Variants in TMCC2 observed in about 807,000 individuals in gnomAD.
TMCC2 encodes the protein transmembrane and coiled-coil domain family 2, also known as transmembrane and coiled-coil domains protein 2.
A neutral mutation model predicts 49.4 loss-of-function variants in TMCC2; 16 were observed. That is an observed-to-expected ratio of 0.32 (90% CI 0.22 to 0.49). The LOEUF is 0.49. Ranked by LOEUF, TMCC2 falls within the 20% of genes least tolerant of loss-of-function variation. The pLI is 0.99. For missense variants in TMCC2, 762 were observed against 989.8 expected, an observed-to-expected ratio of 0.77 and a Z score of 3.09; for synonymous variants, 397 against 434.1, an observed-to-expected ratio of 0.91 and a Z score of 1.06.
rs779563036 is a variant in TMCC2, at chr1:205,271,270, A to G, written c.1818+15A>G. On this transcript the variant is annotated intron_variant, in intron 4 of 4. Coordinates refer to ENST00000358024, the MANE Select transcript of TMCC2 (RefSeq NM_014858.4). ...GGGACATCCAGGTATGGCCAGGGCA[A>G]CCTTGGGAGGCCCCAGATGTGCTGG... 1.9e-6 allele frequency: 3 copies of G among 1,614,016 alleles called. No homozygotes were observed. Among genetic ancestry groups the G allele is most frequent in the Non-Finnish European group, 2.5e-6 (3 of 1,180,030 alleles).
At position 205,271,821 on chromosome 1, in the gene TMCC2, G is replaced by A; in HGVS notation, c.1827G>A (p.Val609=). 1.1e-5 allele frequency: 17 copies of A among 1,610,690 alleles called. No individual in the cohort carries two copies. Among genetic ancestry groups the A allele is most frequent in the Non-Finnish European group, 1.4e-5 (17 of 1,179,696 alleles). The change falls in exon 5 of 5, where the codon GTG becomes GTA. Residue 609 remains valine, a synonymous_variant. Coordinates refer to ENST00000358024, the MANE Select transcript of TMCC2 (RefSeq NM_014858.4). ...YERARDIQEA[V]ESCLTRVTKL... is the part of the protein sequence containing the mutation. ...CCCCTCTGCCCCTGCAGGAGGCCGTGGAGTCCTGCCTGACCCGGGTCACCA... is the reference window on the plus strand; with the variant it reads ...CCCCTCTGCCCCTGCAGGAGGCCGTAGAGTCCTGCCTGACCCGGGTCACCA...
intron 1 of TMCC2, among the ~76,000 whole-genome samples, chr1:205,239,759 CAAATG>C (rs1484441453): frequency 6.6e-6 from 1 of 152,084 alleles, no homozygotes; most frequent in East Asian, 1.9e-4. Flanking sequence ...TGGGGATACT[CAAATG>C]AGGTGAAAAA....
At position 205,272,429 on chromosome 1, in the gene TMCC2, C is replaced by T. The variant is rs893652085; in HGVS notation, c.*305C>T. ...TTACACAAGGACTTCTCCCAGCTGA[C>T]CCTCAGGATGCCCCAAGTCAGGAAG... On this transcript the variant is annotated 3_prime_UTR_variant, in exon 5 of 5. Transcript: ENST00000358024. 2 of 402,938 alleles carry T rather than the reference C, an allele frequency of 5.0e-6. No individual in the cohort carries two copies. The highest frequency in any genetic ancestry group is 6.8e-4 in the Middle Eastern group (1 of 1,472). The allele number at this position is 402,938 out of a possible 1,614,324, so 25.0% of individuals were successfully genotyped here. A position where few individuals can be genotyped will look rare whatever the true frequency, so the allele number is the denominator to read the frequency against.
In TMCC2 at chr1:205,269,186, G is replaced by T. The variant is rs1322946460; in HGVS notation, c.984G>T (p.Gln328His). Residue 328 changes from glutamine to histidine, a missense_variant, in exon 3 of 5, where the codon CAG becomes CAT. This residue lies in a region of TMCC2 where 440 missense variants were observed against 636.7 expected (regional missense o/e 0.69). Transcript: ENST00000358024. Reference protein sequence around the residue: ...LKLANNADKQQVSRIKQVFEK... With the variant: ...LKLANNADKQHVSRIKQVFEK... ...TGGCCAACAACGCGGACAAGCAGCA[G>T]GTGTCACGCATCAAGCAAGTGTTCG... 1.2e-6 allele frequency: 2 copies of T among 1,614,050 alleles called. No individual in the cohort carries two copies. Among genetic ancestry groups the T allele is most frequent in the Non-Finnish European group, 1.7e-6 (2 of 1,180,050 alleles).
At chr1:205,233,402 C>T (rs907988342) in intron 1 of TMCC2, among the ~76,000 whole-genome samples, 1 of 152,202 alleles carries the variant, frequency 6.6e-6, no homozygotes, top group Non-Finnish European at 1.5e-5. Flanking sequence ...TCACACCATA[C>T]ACTGGTCTTC....
Position 205,246,640 on chromosome 1 carries a change from C to T in TMCC2, c.747+4596C>T, listed in dbSNP as rs200396009. 4.8e-4 allele frequency: 742 copies of T among 1,550,306 alleles called. 1 individual carries two copies. The highest frequency in any genetic ancestry group is 2.3e-3 in the Middle Eastern group (14 of 5,990). ...GCAGAATGAACCAGGTTGTTCAGCC[C>T]TTAATGAGCAGACACTCTGCATGTA... On this transcript the variant is annotated intron_variant, in intron 2 of 4. Coordinates refer to ENST00000358024, the MANE Select transcript of TMCC2 (RefSeq NM_014858.4).
chr1:205,243,679 G>A (rs1053873158), intron 2 of TMCC2, among the ~76,000 whole-genome samples: 5 of 152,214 alleles, frequency 3.3e-5, no homozygotes, highest in Admixed American at 3.3e-4. Flanking sequence ...GCATGTTTTG[G>A]GGGGAAGGTG....
intron 2 of TMCC2, chr1:205,246,714 A>C (rs780241249): frequency 5.2e-6 from 8 of 1,548,940 alleles, no homozygotes; most frequent in Non-Finnish European, 7.0e-6. Flanking sequence ...ATACATTTTA[A>C]AAATCAAATT....
chr1:205,250,806 A>G (rs1660637462), intron 2 of TMCC2, among the ~76,000 whole-genome samples: 2 of 152,066 alleles, frequency 1.3e-5, no homozygotes, highest in Non-Finnish European at 2.9e-5. Flanking sequence ...GGGAAGGTGC[A>G]CTCAGGTTTC....
intron 2 of TMCC2, among the ~76,000 whole-genome samples, chr1:205,254,168 C>A (rs556071993): frequency 4.6e-5 from 7 of 152,314 alleles, no homozygotes; most frequent in Admixed American, 2.6e-4. Flanking sequence ...GGATTTTAGA[C>A]CAGGTCTTCT....
intron 1 of TMCC2, among the ~76,000 whole-genome samples, chr1:205,231,595 C>G (rs1222898479): frequency 6.6e-6 from 1 of 152,198 alleles, no homozygotes; most frequent in African/African-American, 2.4e-5. Context: ...CCGTGCCCAG[C>G]CCCTCCAAAC....
rs1355907536 is a variant in TMCC2, at chr1:205,241,249, T to G, written c.208-256T>G. On this transcript the variant is annotated intron_variant, in intron 1 of 4. Coordinates refer to ENST00000358024, the MANE Select transcript of TMCC2 (RefSeq NM_014858.4). This position sits in a 1 kb window ranked among gnomAD's most constrained non-coding sequence, Gnocchi z 7.3. ...CATCATTCCTAGAAACTCTGAACCTTCATTTTGATTAGGAATGTCCCGTGG... is the reference window on the plus strand; with the variant it reads ...CATCATTCCTAGAAACTCTGAACCTGCATTTTGATTAGGAATGTCCCGTGG... 6.6e-6 allele frequency among the ~76,000 whole-genome samples: 1 copy of G among 152,110 alleles called. No individual in the cohort carries two copies. Among genetic ancestry groups the G allele is most frequent in the Non-Finnish European group, 1.5e-5 (1 of 68,008 alleles).
At chr1:205,271,010 A>G in intron 3 of TMCC2, 110 bp from the exon 4 acceptor site, 1 of 1,454,316 alleles carries the variant, frequency 6.9e-7, no homozygotes, top group African/African-American at 1.4e-5. Context: ...AGAGCTGGAC[A>G]CGGGGGATGG....
chr1:205,271,757 G>A, intron 4 of TMCC2, 56 bp from the exon 5 acceptor site: 2 of 1,569,274 alleles, frequency 1.3e-6, no homozygotes, highest in Non-Finnish European at 8.6e-7. Context: ...TAGGTTTTCA[G>A]CCTAGGGGTC....
intron 1 of TMCC2, among the ~76,000 whole-genome samples, chr1:205,238,299 A>G (rs1046428560): frequency 6.6e-6 from 1 of 151,718 alleles, no homozygotes; most frequent in South Asian, 2.1e-4. Flanking sequence ...CTCCTCCCTG[A>G]CACCCACATG....
intron 4 of TMCC2, 134 bp downstream of exon 4, chr1:205,271,389 A>G (rs1299378095): frequency 7.0e-7 from 1 of 1,435,740 alleles, no homozygotes; most frequent in Admixed American, 1.8e-5. Flanking sequence ...AGGCACATGG[A>G]TGAAGAGGGC....
intron 2 of TMCC2, among the ~76,000 whole-genome samples, chr1:205,262,853 A>T (rs1370519880): frequency 6.6e-6 from 1 of 151,878 alleles, no homozygotes; most frequent in South Asian, 2.1e-4. Context: ...AAGCTCTTAG[A>T]TGCTTTCCTG....
intron 1 of TMCC2, among the ~76,000 whole-genome samples, chr1:205,239,803 A>G (rs1055560430): frequency 8.5e-5 from 13 of 152,220 alleles, no homozygotes; most frequent in African/African-American, 2.4e-4. Context: ...ACACAAATAC[A>G]TAATAGTACA....
At chr1:205,263,011 G>A (rs527244148) in intron 2 of TMCC2, among the ~76,000 whole-genome samples, 3 of 152,190 alleles carry the variant, frequency 2.0e-5, no homozygotes, top group South Asian at 4.2e-4. Flanking sequence ...TTCCAGCCTC[G>A]AATGCAAAAA....
Sources: gnomAD v4.1 joint callset for allele counts (sites outside exome capture counted in the v4.1 genomes callset) on GRCh38, gnomAD v4.1.1 for gene constraint, gnomAD v4.1.1 regional missense constraint, Gnocchi (gnomAD v3.1) non-coding constraint, MANE v1.5 for transcripts, NCBI Gene and HGNC (gene_info 2026-07-23, HGNC 2026-07-21) for gene names.